The following SHTN1 variants were observed in gnomAD, a reference collection of about 807,000 sequenced individuals.
The protein encoded by SHTN1 is shootin-1.
Under a neutral mutation model 83.1 loss-of-function variants are expected in SHTN1, and 42 were observed. That is an observed-to-expected ratio of 0.51 (90% confidence interval 0.39 to 0.65). The LOEUF (loss-of-function observed/expected upper bound fraction) is 0.65, where lower values mean the gene tolerates loss of function less well. Ranked by LOEUF, SHTN1 falls within the 30% of genes least tolerant of loss-of-function variation. SHTN1 has a pLI of 0.00. For synonymous variants in SHTN1, 224 were observed against 247.7 expected, an observed-to-expected ratio of 0.90 and a Z score of 0.90; for missense variants, 622 against 737.8, an observed-to-expected ratio of 0.84 and a Z score of 1.82.
chr10:117,069,289 C>T (rs1853046877), intron 1 of SHTN1, among the ~76,000 whole-genome samples: 1 of 152,084 alleles, frequency 6.6e-6, no homozygotes. Flanking sequence ...ACTGGGTCCG[C>T]CCAATATAGT....
chr10:117,092,918 C>T (rs767857149), intron 1 of SHTN1, among the ~76,000 whole-genome samples: 13 of 152,132 alleles, frequency 8.5e-5, no homozygotes, highest in Non-Finnish European at 1.8e-4. Flanking sequence ...ACCAGGTCCA[C>T]TAATAGCAGT....
At chr10:116,937,870 C>T (rs1206205199) in intron 9 of SHTN1, among the ~76,000 whole-genome samples, 1 of 151,758 alleles carries the variant, frequency 6.6e-6, no homozygotes, top group African/African-American at 2.4e-5. Flanking sequence ...CCTTTTCAGT[C>T]TTTTTTCAGT....
intron 1 of SHTN1, among the ~76,000 whole-genome samples, chr10:117,077,897 T>A (rs968488562): frequency 1.4e-4 from 22 of 152,248 alleles, no homozygotes; most frequent in African/African-American, 5.3e-4. Context: ...ATGCCCCAAA[T>A]AAATCAGCAG....
chr10:116,964,249 A>G (rs192529792), intron 3 of SHTN1, among the ~76,000 whole-genome samples: 2 of 152,280 alleles, frequency 1.3e-5, no homozygotes, highest in East Asian at 1.9e-4. Context: ...AACTCTTTAC[A>G]TGTGTTCCCT....
intron 1 of SHTN1, among the ~76,000 whole-genome samples, chr10:116,999,109 G>A (rs1257221570): frequency 2.0e-5 from 3 of 152,002 alleles, no homozygotes; most frequent in African/African-American, 4.8e-5. Flanking sequence ...GATTATACGC[G>A]TGAGCCAACA....
At chr10:117,002,251 G>A (rs1343346155) in intron 1 of SHTN1, among the ~76,000 whole-genome samples, 1 of 152,130 alleles carries the variant, frequency 6.6e-6, no homozygotes, top group Non-Finnish European at 1.5e-5. Flanking sequence ...TTATTCATAT[G>A]ATAACTTGAA....
At chr10:117,079,176 C>T (rs561354518) in intron 1 of SHTN1, among the ~76,000 whole-genome samples, 348 of 101,690 alleles carry the variant, frequency 3.4e-3, no homozygotes, top group African/African-American at 0.012. Flanking sequence ...CCAATGCTAT[C>T]CCTCCCCCCC....
At chr10:116,923,587 ACT>A (rs1848638420) in intron 11 of SHTN1, among the ~76,000 whole-genome samples, 1 of 150,680 alleles carries the variant, frequency 6.6e-6, no homozygotes, top group East Asian at 2.0e-4. Flanking sequence ...ACAGGGTCTC[ACT>A]CTGTTGCCCA....
At chr10:117,109,553 C>CAT (rs1853730674) in intron 1 of SHTN1, among the ~76,000 whole-genome samples, 1 of 42,932 alleles carries the variant, frequency 2.3e-5, no homozygotes, top group South Asian at 1.5e-3. Context: ...ACATATATTA[C>CAT]TTTTTTTTTT....
rs1308660354 is a variant in SHTN1 at position 116,882,304 on chromosome 10, T to C, written c.*4040A>G. 6.6e-6 allele frequency: 1 copy of C among 151,318 alleles called. No individual in the cohort carries two copies. The highest frequency in any genetic ancestry group is 2.4e-5 in the African/African-American group (1 of 41,120). The allele number at this position is 151,318 out of a possible 1,614,324, so 9.4% of individuals were successfully genotyped here. Reference sequence around the variant, plus strand: ...TTTTTGGAGTAAGAATGAGTATAAATGAATAAGCACATCAGTAAATGAATT... The same window carrying C: ...TTTTTGGAGTAAGAATGAGTATAAACGAATAAGCACATCAGTAAATGAATT... On this transcript the variant is annotated 3_prime_UTR_variant, in exon 17 of 17. Coordinates refer to ENST00000355371, the MANE Select transcript of SHTN1 (RefSeq NM_001127211.3).
intron 1 of SHTN1, among the ~76,000 whole-genome samples, chr10:117,078,054 A>G (rs557864103): frequency 3.3e-5 from 5 of 152,344 alleles, no homozygotes; most frequent in Non-Finnish European, 7.3e-5. Flanking sequence ...AACTTACAGA[A>G]TTCTAACTGA....
intron 16 of SHTN1, 37 bp from the exon 17 acceptor site, chr10:116,886,603 CAG>C (rs778054942): frequency 1.2e-6 from 2 of 1,609,390 alleles, no homozygotes; most frequent in South Asian, 2.2e-5. Context: ...AAGTAAAAAG[CAG>C]AGAGAGAAAA....
chr10:116,924,947 G>A (rs1438695851), intron 11 of SHTN1, among the ~76,000 whole-genome samples: 2 of 151,708 alleles, frequency 1.3e-5, no homozygotes, highest in African/African-American at 2.4e-5. Flanking sequence ...TAGTAGAGAC[G>A]GGGTTTCACC....
chr10:117,028,296 G>A (rs1852359157), intron 2 of SHTN1, among the ~76,000 whole-genome samples: 1 of 152,116 alleles, frequency 6.6e-6, no homozygotes, highest in Non-Finnish European at 1.5e-5. Context: ...ACCTAAAGTT[G>A]GAACTTATTT....
At chr10:117,012,358 C>T (rs1340443934) in intron 2 of SHTN1, among the ~76,000 whole-genome samples, 1 of 152,020 alleles carries the variant, frequency 6.6e-6, no homozygotes, top group East Asian at 1.9e-4. Flanking sequence ...TACCTGATTT[C>T]CAAGACTAAC....
chr10:117,025,008 A>C (rs1852310799), intron 2 of SHTN1, among the ~76,000 whole-genome samples: 1 of 152,216 alleles, frequency 6.6e-6, no homozygotes, highest in Non-Finnish European at 1.5e-5. Flanking sequence ...ACTCGGATGG[A>C]GCAAGATGGC....
At chr10:116,920,464 T>G (rs897263086) in intron 12 of SHTN1, among the ~76,000 whole-genome samples, 1 of 152,114 alleles carries the variant, frequency 6.6e-6, no homozygotes, top group African/African-American at 2.4e-5. Flanking sequence ...CCCTAAATAG[T>G]TCCTGAATTC....
chr10:116,929,629 T>C (rs2133377886), intron 10 of SHTN1, among the ~76,000 whole-genome samples: 1 of 152,318 alleles, frequency 6.6e-6, no homozygotes, highest in South Asian at 2.1e-4. Flanking sequence ...ACAAGGGCTC[T>C]AAGTCCAAAA....
intron 1 of SHTN1, among the ~76,000 whole-genome samples, chr10:117,073,333 G>C (rs1231034269): frequency 6.6e-6 from 1 of 152,156 alleles, no homozygotes; most frequent in Non-Finnish European, 1.5e-5. Context: ...TTGCTTACTA[G>C]GCAGCAGGCA....
Sources: gnomAD v4.1 joint callset for allele counts (sites outside exome capture counted in the v4.1 genomes callset) on GRCh38, gnomAD v4.1.1 for gene constraint, MANE v1.5 for transcripts, NCBI Gene and HGNC (gene_info 2026-07-23, HGNC 2026-07-21) for gene names.